Variants in MGAM2 observed in about 807,000 individuals in gnomAD.
The protein encoded by MGAM2 is maltase-glucoamylase 2 (putative).
Under a neutral mutation model 96.1 loss-of-function variants are expected in MGAM2, and 98 were observed. The ratio of observed to expected loss-of-function variants is 1.02; its 90% CI spans 0.87 to 1.21. The LOEUF (loss-of-function observed/expected upper bound fraction) is 1.21. Among genes scored for constraint, MGAM2 ranks in the 50% most tolerant of loss-of-function variants. The pLI is 0.00. For synonymous variants in MGAM2, 749 were observed against 414.8 expected (o/e 1.81, Z -9.79); for missense variants, 2,055 against 1,182.4 (o/e 1.74, Z -10.82).
At chr7:142,120,002 A>T (rs1794514616) in intron 2 of MGAM2, among the ~76,000 whole-genome samples, 3 of 152,374 alleles carry the variant, frequency 2.0e-5, no homozygotes, top group African/African-American at 7.2e-5. Context: ...ACAACTTCAT[A>T]ACTAAAAACC....
intron 6 of MGAM2, among the ~76,000 whole-genome samples, chr7:142,132,920 A>G (rs1398737098): frequency 1.5e-5 from 2 of 131,062 alleles, no homozygotes; most frequent in African/African-American, 5.9e-5. Context: ...CAAATATGTC[A>G]TATTTATACG....
At chr7:142,196,049 C>T in intron 37 of MGAM2, 105 bp from the exon 38 acceptor site, 1 of 681,434 alleles carries the variant, frequency 1.5e-6, no homozygotes, top group East Asian at 2.7e-5. Context: ...AAGAAGTTAT[C>T]TGACTCGGAC....
chr7:142,128,574 G>A (rs1794791739), intron 3 of MGAM2, among the ~76,000 whole-genome samples: 1 of 152,210 alleles, frequency 6.6e-6, no homozygotes, highest in Non-Finnish European at 1.5e-5. Context: ...GCAGCCTAGG[G>A]ACTTGGGGTC....
rs180751761 is a variant in MGAM2, at chr7:142,213,715, C to T, written c.5188-4646C>T. ...CCAACCAAAACAGCCCAGGACCAGACAGATTCACAGCCGAATTCTACCAGA... is the reference window on the plus strand; with the variant it reads ...CCAACCAAAACAGCCCAGGACCAGATAGATTCACAGCCGAATTCTACCAGA... On this transcript the variant is annotated intron_variant, in intron 46 of 47. Transcript: ENST00000477922. 5.2e-3 allele frequency among the ~76,000 whole-genome samples: 787 copies of T among 152,246 alleles called. 3 individuals are homozygous for T. Among genetic ancestry groups the T allele is most frequent in the Middle Eastern group, 0.014 (4 of 292 alleles).
At chr7:142,158,987 G>A (rs1196645343) in intron 19 of MGAM2, among the ~76,000 whole-genome samples, 2 of 152,138 alleles carry the variant, frequency 1.3e-5, no homozygotes, top group South Asian at 2.1e-4. Context: ...AGGCTTTCCT[G>A]GGGCCTGGCT....
At chr7:142,129,864 A>T (rs1298403573) in intron 3 of MGAM2, among the ~76,000 whole-genome samples, 1 of 125,504 alleles carries the variant, frequency 8.0e-6, no homozygotes, top group East Asian at 2.4e-4. Context: ...AAAAAAAAAA[A>T]AGAAATTCAG....
Position 142,147,564 on chromosome 7 carries a change from C to T in MGAM2, c.1625C>T (p.Thr542Ile), listed in dbSNP as rs938573883. ...HSLYGHSMAR[T>I]TNLALETIFM... ...TTGTATGGCCACTCCATGGCAAGAA[C>T]CACAAACTTGTAAGGACTTGGTTTT... Residue 542 changes from threonine to isoleucine, a missense_variant, in exon 15 of 48, where the codon ACC becomes ATC. By Grantham distance (89) the Thr-to-Ile change is moderately conservative (BLOSUM62 -1). Transcript: ENST00000477922. 13 of 702,250 alleles carry T rather than the reference C, an allele frequency of 1.9e-5. No individual in the cohort carries two copies. The highest frequency in any genetic ancestry group is 3.5e-5 in the African/African-American group (2 of 57,336). 43.5% of individuals were successfully genotyped at this position (702,250 alleles called of 1,614,324 possible).
chr7:142,163,723 G>A (rs1244885599), intron 23 of MGAM2, among the ~76,000 whole-genome samples: 2 of 152,176 alleles, frequency 1.3e-5, no homozygotes. Flanking sequence ...ACATATGAGT[G>A]ATCTAATTTC....
intron 3 of MGAM2, 115 bp from the exon 4 acceptor site, chr7:142,130,831 ATG>A: frequency 3.4e-6 from 2 of 595,094 alleles, no homozygotes; most frequent in Non-Finnish European, 6.0e-6. Context: ...AAATTAATGA[ATG>A]TAATTATAAC....
intron 6 of MGAM2, 112 bp from the exon 7 acceptor site, chr7:142,133,869 C>T: frequency 6.0e-6 from 3 of 499,896 alleles, no homozygotes; most frequent in East Asian, 6.5e-5. Flanking sequence ...AAGAAAATTG[C>T]TAACGCCTGA....
intron 46 of MGAM2, among the ~76,000 whole-genome samples, chr7:142,214,830 G>A (rs988729108): frequency 6.6e-6 from 1 of 152,202 alleles, no homozygotes. Context: ...TGGAGAAATA[G>A]GAATGCTTTT....
chr7:142,133,956 T>G lies in MGAM2; in HGVS notation c.576-25T>G, dbSNP rs77844582. The G allele has an allele frequency of 9.1e-4, 626 of 686,402 alleles. 6 individuals carry two copies. The African/African-American group carries it at 9.4e-3, about 10-fold the overall frequency. The allele number at this position is 686,402 out of a possible 1,614,324, so 42.5% of individuals were successfully genotyped here. A position where few individuals can be genotyped will look rare whatever the true frequency, so the allele number is the denominator to read the frequency against. ...AGGAAAGAGTGTTTTTCGGTGATTC[T>G]TGCTCTACTTACCCCATGGCCCAGG... On this transcript the variant is annotated intron_variant, in intron 6 of 47. Coordinates refer to ENST00000477922, the MANE Select transcript of MGAM2 (RefSeq NM_001293626.2).
At chr7:142,114,194 GA>G (rs1464733591) in intron 1 of MGAM2, among the ~76,000 whole-genome samples, 1 of 136,982 alleles carries the variant, frequency 7.3e-6, no homozygotes, top group Non-Finnish European at 1.5e-5. Flanking sequence ...AAGAAAGAAA[GA>G]AAGAAAGAAA....
At chr7:142,114,112 C>T (rs1483404656) in intron 1 of MGAM2, among the ~76,000 whole-genome samples, 2 of 145,318 alleles carry the variant, frequency 1.4e-5, no homozygotes, top group South Asian at 2.2e-4. Context: ...GCCAGGGCAA[C>T]AGAGCGAGAC....
intron 1 of MGAM2, among the ~76,000 whole-genome samples, chr7:142,112,219 TA>T (rs1817197647): frequency 6.6e-6 from 1 of 152,090 alleles, no homozygotes; most frequent in Non-Finnish European, 1.5e-5. Flanking sequence ...GGTTTCTAAG[TA>T]GGCAAGAATT....
chr7:142,133,159 T>C (rs1399680631), intron 6 of MGAM2, among the ~76,000 whole-genome samples: 1 of 140,442 alleles, frequency 7.1e-6, no homozygotes, highest in Non-Finnish European at 1.5e-5. Context: ...TTATATTTAA[T>C]ATAAATATTT....
At position 142,136,570 on chromosome 7, in the gene MGAM2, A is replaced by C; in HGVS notation, c.777A>C (p.Thr259=). 1.4e-6 allele frequency: 1 copy of C among 702,504 alleles called. No homozygotes were observed. The highest frequency in any genetic ancestry group is 1.5e-5 in the South Asian group (1 of 67,332). 43.5% of individuals were successfully genotyped at this position (702,504 alleles called of 1,614,324 possible). A position where few individuals can be genotyped will look rare whatever the true frequency, so the allele number is the denominator to read the frequency against. The part of the protein sequence containing the change: ...EGMINLYGAH[T]FFLCLEDARG... ...TGATTAATCTGTATGGAGCTCATACATTCTTCTTGTGCCTTGAAGATGCCA... is the reference window on the plus strand; with the variant it reads ...TGATTAATCTGTATGGAGCTCATACCTTCTTCTTGTGCCTTGAAGATGCCA... Residue 259 remains threonine, a synonymous_variant, in exon 8 of 48, where the codon ACA becomes ACC. Transcript: ENST00000477922.
chr7:142,196,422 C>A, intron 38 of MGAM2, 135 bp downstream of exon 38: 1 of 654,232 alleles, frequency 1.5e-6, no homozygotes, highest in Non-Finnish European at 2.7e-6. Context: ...TCTCTCTGGG[C>A]GTGGATTTTA....
chr7:142,119,777 T>C (rs763958420), intron 2 of MGAM2, among the ~76,000 whole-genome samples: 1 of 152,236 alleles, frequency 6.6e-6, no homozygotes, highest in Non-Finnish European at 1.5e-5. Flanking sequence ...CAAAACCTTA[T>C]GCCAGGTGAA....
Sources: allele counts gnomAD v4.1 joint callset (sites outside exome capture counted in the v4.1 genomes callset), GRCh38; gene constraint gnomAD v4.1.1; transcripts MANE v1.5; gene names NCBI Gene and HGNC (gene_info 2026-07-23, HGNC 2026-07-21).